The following VSNL1 variants were observed in gnomAD, a reference collection of about 807,000 sequenced individuals.
The protein encoded by VSNL1 is visinin like 1.
VSNL1 carries 6 observed loss-of-function variants against 20.4 expected under a neutral mutation model. That is an observed-to-expected ratio of 0.29 (90% CI 0.16 to 0.58). The LOEUF (loss-of-function observed/expected upper bound fraction) is 0.58, where lower values mean the gene tolerates loss of function less well. Ranked by LOEUF, VSNL1 falls within the 20% of genes least tolerant of loss-of-function variation. The pLI is 0.90. For synonymous variants in VSNL1, 93 were observed against 86.4 expected, an observed-to-expected ratio of 1.08 and a Z score of -0.42; for missense variants, 100 against 234.5, an observed-to-expected ratio of 0.43 and a Z score of 3.75.
At chr2:17,602,976 C>T (rs1031575350) in intron 2 of VSNL1, among the ~76,000 whole-genome samples, 3 of 152,126 alleles carry the variant, frequency 2.0e-5, no homozygotes, top group Non-Finnish European at 4.4e-5. Context: ...AAACTCTTAA[C>T]AATCTGTGTA....
chr2:17,647,775 T>C (rs896179858), intron 2 of VSNL1, among the ~76,000 whole-genome samples: 4 of 152,134 alleles, frequency 2.6e-5, no homozygotes, highest in African/African-American at 7.2e-5. Context: ...CAAGTCAATT[T>C]TGAGTAAAGT....
intron 1 of VSNL1, among the ~76,000 whole-genome samples, chr2:17,564,266 C>T (rs1663884607): frequency 2.0e-5 from 3 of 152,114 alleles, no homozygotes; most frequent in Admixed American, 2.0e-4. Context: ...TTGTGCCTTC[C>T]TTGAGTCTTT....
intron 1 of VSNL1, among the ~76,000 whole-genome samples, chr2:17,576,938 C>T (rs988208108): frequency 9.2e-5 from 14 of 152,164 alleles, no homozygotes; most frequent in African/African-American, 3.4e-4. Context: ...TCATGCATCA[C>T]TTAATGACAG....
intron 1 of VSNL1, among the ~76,000 whole-genome samples, chr2:17,587,971 G>GC (rs1664516482): frequency 6.6e-6 from 1 of 152,206 alleles, no homozygotes; most frequent in African/African-American, 2.4e-5. Flanking sequence ...GTGAAACTGT[G>GC]CTTTCCTCCA....
chr2:17,648,668 GA>G (rs1233822842), intron 2 of VSNL1, among the ~76,000 whole-genome samples: 2 of 152,192 alleles, frequency 1.3e-5, no homozygotes, highest in Non-Finnish European at 2.9e-5. Context: ...TGTCCAAGGG[GA>G]CTGAGGCCAC....
chr2:17,599,362 A>G (rs879457628), intron 2 of VSNL1, among the ~76,000 whole-genome samples: 4 of 152,240 alleles, frequency 2.6e-5, no homozygotes, highest in Non-Finnish European at 5.9e-5. Flanking sequence ...GACTAAGACA[A>G]TAAAAATTTG....
chr2:17,626,456 C>G (rs550666955), intron 2 of VSNL1, among the ~76,000 whole-genome samples: 1 of 152,158 alleles, frequency 6.6e-6, no homozygotes, highest in African/African-American at 2.4e-5. Context: ...GGCCACTAAG[C>G]GAAGTCCTAA....
At chr2:17,571,988 A>C (rs569025896) in intron 1 of VSNL1, among the ~76,000 whole-genome samples, 1 of 152,356 alleles carries the variant, frequency 6.6e-6, no homozygotes, top group South Asian at 2.1e-4. Flanking sequence ...AGAGAAGACC[A>C]CAAAGTGAGT....
chr2:17,569,915 G>A (rs1207067219), intron 1 of VSNL1, among the ~76,000 whole-genome samples: 4 of 152,186 alleles, frequency 2.6e-5, no homozygotes, highest in Non-Finnish European at 5.9e-5. Context: ...TTACTTTGGG[G>A]AAATAGTACA....
intron 1 of VSNL1, among the ~76,000 whole-genome samples, chr2:17,569,265 C>T (rs989216839): frequency 6.6e-6 from 1 of 150,400 alleles, no homozygotes; most frequent in Non-Finnish European, 1.5e-5. Context: ...GGAGATCATA[C>T]AACTGTACTC....
chr2:17,584,262 G>A (rs183572279), intron 1 of VSNL1, among the ~76,000 whole-genome samples: 1 of 152,182 alleles, frequency 6.6e-6, no homozygotes, highest in East Asian at 1.9e-4. Flanking sequence ...GGATACAAGG[G>A]AAACTGAGTC....
chr2:17,585,471 G>A (rs918076891), intron 1 of VSNL1, among the ~76,000 whole-genome samples: 2 of 152,062 alleles, frequency 1.3e-5, no homozygotes, highest in African/African-American at 2.4e-5. Flanking sequence ...CCAGCAATCC[G>A]GTGTCAGTTG....
At chr2:17,561,759 G>C (rs1663820765) in intron 1 of VSNL1, among the ~76,000 whole-genome samples, 1 of 152,110 alleles carries the variant, frequency 6.6e-6, no homozygotes, top group Admixed American at 6.5e-5. Flanking sequence ...TCATCGGGGA[G>C]CGTGGCTGTG....
intron 1 of VSNL1, among the ~76,000 whole-genome samples, chr2:17,568,301 T>G (rs1446724376): frequency 6.6e-6 from 1 of 152,212 alleles, no homozygotes; most frequent in Admixed American, 6.5e-5. Context: ...AGGGTCTTAC[T>G]TTGTTGCCCA....
chr2:17,589,387 A>G (rs1050513484), intron 1 of VSNL1, among the ~76,000 whole-genome samples: 8 of 152,348 alleles, frequency 5.3e-5, no homozygotes, highest in South Asian at 2.1e-4. Flanking sequence ...GAGTAGATCA[A>G]TGAGGTTTGT....
intron 1 of VSNL1, among the ~76,000 whole-genome samples, chr2:17,542,705 C>T (rs1427836168): frequency 1.3e-5 from 2 of 152,060 alleles, no homozygotes; most frequent in South Asian, 2.1e-4. Context: ...GGCATCAGTT[C>T]GATGAATGGT....
At chr2:17,565,535 A>T (rs1016127290) in intron 1 of VSNL1, among the ~76,000 whole-genome samples, 2 of 152,148 alleles carry the variant, frequency 1.3e-5, no homozygotes, top group African/African-American at 4.8e-5. Flanking sequence ...ATCATTCACC[A>T]AATTGCTTCT....
At chr2:17,650,110 TGAA>T (rs1340195915) in intron 3 of VSNL1, among the ~76,000 whole-genome samples, 5 of 152,206 alleles carry the variant, frequency 3.3e-5, no homozygotes, top group Non-Finnish European at 5.9e-5. Flanking sequence ...ATTCCCAATG[TGAA>T]GGTCTTCTTG....
rs1270711999 is a variant in VSNL1, at chr2:17,655,997, G to A, written c.*603G>A. 2 of 152,700 alleles carry A rather than the reference G, an allele frequency of 1.3e-5. No homozygotes were observed. Among genetic ancestry groups the A allele is most frequent in the South Asian group, 4.1e-4 (2 of 4,832 alleles). The allele number at this position is 152,700 out of a possible 1,614,324, so 9.5% of individuals were successfully genotyped here. On this transcript the variant is annotated 3_prime_UTR_variant, in exon 4 of 4. Coordinates refer to ENST00000295156, the MANE Select transcript of VSNL1 (RefSeq NM_003385.5). The surrounding 1 kb of genome is among the most constrained non-coding windows in gnomAD (Gnocchi z 5.2). The stretch of plus-strand genomic sequence containing the variant: ...CTGGAAAGAGCTGTTTTGGATGAAT[G>A]CAGTATAAAATGTAAAAACCCTGCT...
Sources: allele counts gnomAD v4.1 joint callset (sites outside exome capture counted in the v4.1 genomes callset), GRCh38; gene constraint gnomAD v4.1.1; non-coding constraint Gnocchi (gnomAD v3.1); transcripts MANE v1.5; gene names NCBI Gene and HGNC (gene_info 2026-07-23, HGNC 2026-07-21).